LIPC: variants seen among roughly 807,000 people sequenced by gnomAD.
The protein encoded by LIPC is hepatic triacylglycerol lipase.
A neutral mutation model predicts 50.7 loss-of-function variants in LIPC; 44 were observed. The observed-to-expected ratio is 0.87, with a 90% CI of 0.68 to 1.11. The LOEUF (loss-of-function observed/expected upper bound fraction) is 1.11. LIPC is among the 50% of genes most tolerant of loss of function. The probability of loss-of-function intolerance (pLI) is 0.00; values close to 1 mark genes in which losing one functional copy is unlikely to be tolerated. For synonymous variants in LIPC, 271 were observed against 256.4 expected (o/e 1.06, Z -0.54); for missense variants, 697 against 648.2 (o/e 1.08, Z -0.82).
chr15:58,543,682 G>A (rs1893420075), intron 4 of LIPC, among the ~76,000 whole-genome samples: 1 of 152,070 alleles, frequency 6.6e-6, no homozygotes, highest in Admixed American at 6.5e-5. Flanking sequence ...TGTTGCCCAG[G>A]CTGGTGTGCA....
At chr15:58,509,567 T>C (rs193237461) in intron 1 of LIPC, among the ~76,000 whole-genome samples, 53 of 152,310 alleles carry the variant, frequency 3.5e-4, no homozygotes, top group African/African-American at 1.2e-3. Flanking sequence ...TTTCTATTTT[T>C]CCCTGCAAAA....
chr15:58,457,581 C>A (rs1452167340), intron 1 of LIPC, among the ~76,000 whole-genome samples: 1 of 152,210 alleles, frequency 6.6e-6, no homozygotes, highest in Non-Finnish European at 1.5e-5. Context: ...TCTGCCCCAC[C>A]CATTGCTGAA....
chr15:58,440,608 TGG>T (rs1893471758), intron 1 of LIPC, among the ~76,000 whole-genome samples: 1 of 152,124 alleles, frequency 6.6e-6, no homozygotes, highest in Admixed American at 6.5e-5. Context: ...TAGCCCCTTA[TGG>T]GGTGTGTGTG....
chr15:58,543,914 GC>G, intron 4 of LIPC, among the ~76,000 whole-genome samples: 1 of 152,208 alleles, frequency 6.6e-6, no homozygotes, highest in East Asian at 1.9e-4. Context: ...AGCCACCACG[GC>G]CGGCCATGAG....
intron 1 of LIPC, among the ~76,000 whole-genome samples, chr15:58,488,455 G>A (rs912068988): frequency 6.6e-6 from 1 of 152,214 alleles, no homozygotes; most frequent in Non-Finnish European, 1.5e-5. Flanking sequence ...TAGGTGTTTG[G>A]AAGAGTCATT....
intron 1 of LIPC, among the ~76,000 whole-genome samples, chr15:58,464,080 G>GA (rs201463892): frequency 2.7e-4 from 40 of 150,148 alleles, no homozygotes; most frequent in South Asian, 8.5e-4. Flanking sequence ...CATTTTTTTT[G>GA]AAAAAAAAAT....
At chr15:58,533,376 A>C (rs1017294518) in intron 1 of LIPC, among the ~76,000 whole-genome samples, 2 of 152,270 alleles carry the variant, frequency 1.3e-5, no homozygotes, top group African/African-American at 2.4e-5. Flanking sequence ...GCTTTTAAAA[A>C]TGCTGAAGAT....
At chr15:58,467,099 T>C (rs1336527049) in intron 1 of LIPC, among the ~76,000 whole-genome samples, 1 of 152,218 alleles carries the variant, frequency 6.6e-6, no homozygotes, top group Non-Finnish European at 1.5e-5. Flanking sequence ...TGATAGTTTC[T>C]TTTGTTTTTC....
intron 1 of LIPC, among the ~76,000 whole-genome samples, chr15:58,506,175 G>A (rs570915507): frequency 2.5e-4 from 38 of 152,222 alleles, no homozygotes; most frequent in Admixed American, 4.6e-4. Flanking sequence ...TCCCAGTACC[G>A]TGCTTCACAA....
chr15:58,483,150 T>C (rs1891249502), intron 1 of LIPC, among the ~76,000 whole-genome samples: 1 of 151,910 alleles, frequency 6.6e-6, no homozygotes, highest in Non-Finnish European at 1.5e-5. Context: ...AAAAAGGGAG[T>C]GGCTATTTAA....
At chr15:58,471,328 T>TGGTG (rs1555399296) in intron 1 of LIPC, among the ~76,000 whole-genome samples, 7 of 114,182 alleles carry the variant, frequency 6.1e-5, no homozygotes, top group Admixed American at 2.7e-4. Context: ...TTAGTAGAGA[T>TGGTG]GGGGGGGGGT....
chr15:58,530,962 C>T (rs1420473760), intron 1 of LIPC, among the ~76,000 whole-genome samples: 2 of 152,280 alleles, frequency 1.3e-5, no homozygotes, highest in East Asian at 3.9e-4. Flanking sequence ...AATAAAGCTG[C>T]CATGAACATT....
At chr15:58,448,094 C>T (rs1267754920) in intron 1 of LIPC, among the ~76,000 whole-genome samples, 2 of 152,176 alleles carry the variant, frequency 1.3e-5, no homozygotes, top group African/African-American at 4.8e-5. Flanking sequence ...AAGCCCTTTG[C>T]AACAAGTTCC....
At chr15:58,530,283 G>C (rs1395864636) in intron 1 of LIPC, among the ~76,000 whole-genome samples, 1 of 152,224 alleles carries the variant, frequency 6.6e-6, no homozygotes, top group African/African-American at 2.4e-5. Context: ...GACATGCCAA[G>C]TCTCCCTGAG....
At chr15:58,474,680 G>C (rs1890930871) in intron 1 of LIPC, among the ~76,000 whole-genome samples, 1 of 152,160 alleles carries the variant, frequency 6.6e-6, no homozygotes, top group African/African-American at 2.4e-5. Context: ...TCCCTGCGTG[G>C]AGGTACGCAG....
intron 1 of LIPC, among the ~76,000 whole-genome samples, chr15:58,520,119 TTTTG>T (rs545491956): frequency 0.12 from 17,595 of 147,034 alleles, 1,425 homozygotes; most frequent in Non-Finnish European, 0.18. Flanking sequence ...GCTGTTTTTT[TTTTG>T]TTTTTTTTTT....
intron 1 of LIPC, among the ~76,000 whole-genome samples, chr15:58,448,378 T>C (rs1893777054): frequency 6.6e-6 from 1 of 152,248 alleles, no homozygotes; most frequent in Non-Finnish European, 1.5e-5. Context: ...GGACTGGGGC[T>C]TTCTGGGGCT....
intron 1 of LIPC, among the ~76,000 whole-genome samples, chr15:58,444,839 C>A (rs497381): frequency 0.1 from 15,804 of 152,280 alleles, 814 homozygotes; most frequent in Middle Eastern, 0.15. Context: ...CTTTGCTAGG[C>A]CCTGCTGTGA....
chr15:58,517,610 T>C (rs1566936242), intron 1 of LIPC, among the ~76,000 whole-genome samples: 1 of 152,172 alleles, frequency 6.6e-6, no homozygotes, highest in Non-Finnish European at 1.5e-5. Flanking sequence ...ACACCCTTTG[T>C]ATATGAGCTC....
Sources: allele counts gnomAD v4.1 joint callset (sites outside exome capture counted in the v4.1 genomes callset), GRCh38; gene constraint gnomAD v4.1.1; transcripts MANE v1.5; gene names NCBI Gene and HGNC (gene_info 2026-07-23, HGNC 2026-07-21).